Variants in FBXO25 observed in about 807,000 individuals in gnomAD.
FBXO25 encodes F-box protein 25.
FBXO25 carries 45 observed loss-of-function variants against 51.9 expected under a neutral mutation model. The observed-to-expected ratio is 0.87, with a 90% CI of 0.68 to 1.11. The LOEUF is 1.11. Ranked by LOEUF, FBXO25 falls within the 50% of genes most tolerant of loss-of-function variation. The pLI is 0.00. For missense variants in FBXO25, 507 were observed against 428.5 expected (o/e 1.18, Z -1.62); for synonymous variants, 199 against 151.0 (o/e 1.32, Z -2.33).
intron 1 of FBXO25, among the ~76,000 whole-genome samples, 158 bp from the exon 2 acceptor site, chr8:412,915 T>G (rs1796570038): frequency 6.6e-6 from 1 of 152,172 alleles, no homozygotes; most frequent in Non-Finnish European, 1.5e-5. Flanking sequence ...CACAGTACTG[T>G]GTTATTGTCA....
intron 7 of FBXO25, among the ~76,000 whole-genome samples, chr8:453,165 C>T (rs958441584): frequency 1.4e-4 from 21 of 152,186 alleles, no homozygotes; most frequent in Admixed American, 7.9e-4. Context: ...AAATAAGGTA[C>T]AAAAATGAAA....
At chr8:419,344 G>A (rs758107589) in intron 2 of FBXO25, among the ~76,000 whole-genome samples, 3 of 152,140 alleles carry the variant, frequency 2.0e-5, no homozygotes, top group Non-Finnish European at 4.4e-5. Context: ...ACTCCAGCCT[G>A]GGCAACAAGA....
chr8:458,347 T>C, intron 7 of FBXO25, 22 bp from the exon 8 acceptor site: 2 of 1,608,406 alleles, frequency 1.2e-6, no homozygotes, highest in Non-Finnish European at 1.7e-6. Flanking sequence ...CTCAGTGAGT[T>C]GCTGTTGTGT....
chr8:470,769 G>A lies in FBXO25; in HGVS notation c.*1965G>A, dbSNP rs989724102. On this transcript the variant is annotated 3_prime_UTR_variant, in exon 10 of 10. Transcript: ENST00000350302. Reference sequence around the variant, plus strand: ...AGCACAGGTATTTCTTTTTCTGTTGGTGCTGTTTTAATAAGTGAAGAATTT... The same window carrying A: ...AGCACAGGTATTTCTTTTTCTGTTGATGCTGTTTTAATAAGTGAAGAATTT... The A allele has an allele frequency of 6.6e-6, 1 of 152,170 alleles. No homozygotes were observed. The highest frequency in any genetic ancestry group is 1.5e-5 in the Non-Finnish European group (1 of 68,032). 9.4% of individuals were successfully genotyped at this position (152,170 alleles called of 1,614,324 possible).
intron 8 of FBXO25, among the ~76,000 whole-genome samples, chr8:459,335 G>A (rs1475218865): frequency 6.6e-6 from 1 of 152,224 alleles, no homozygotes; most frequent in Non-Finnish European, 1.5e-5. Context: ...CCCTTGGAAT[G>A]CAGGGCAGTC....
chr8:445,403 C>T (rs1798675964), intron 5 of FBXO25, among the ~76,000 whole-genome samples: 1 of 152,220 alleles, frequency 6.6e-6, no homozygotes, highest in African/African-American at 2.4e-5. Flanking sequence ...CCTAGTGGAG[C>T]AGCAGTTCCA....
chr8:414,564 C>G (rs1290930501), intron 2 of FBXO25, among the ~76,000 whole-genome samples: 1 of 152,102 alleles, frequency 6.6e-6, no homozygotes, highest in Non-Finnish European at 1.5e-5. Flanking sequence ...ATTCTTTTTC[C>G]CATCATCTCA....
At chr8:440,036 A>G (rs918708787) in intron 5 of FBXO25, among the ~76,000 whole-genome samples, 3 of 152,222 alleles carry the variant, frequency 2.0e-5, no homozygotes, top group African/African-American at 7.2e-5. Flanking sequence ...CAGCAGCCTC[A>G]CAGCAGCGCA....
chr8:460,837 A>G (rs999089337), intron 8 of FBXO25, among the ~76,000 whole-genome samples: 2 of 152,238 alleles, frequency 1.3e-5, no homozygotes, highest in African/African-American at 4.8e-5. Context: ...TTATTTTGCA[A>G]GTAGTCTTCT....
intron 2 of FBXO25, among the ~76,000 whole-genome samples, chr8:423,667 C>G (rs1164129520): frequency 6.6e-6 from 1 of 152,074 alleles, no homozygotes; most frequent in African/African-American, 2.4e-5. Context: ...TGTATAGGTA[C>G]CACATTTTCT....
intron 2 of FBXO25, among the ~76,000 whole-genome samples, chr8:415,745 C>G (rs1050885965): frequency 6.6e-6 from 1 of 152,160 alleles, no homozygotes; most frequent in African/African-American, 2.4e-5. Flanking sequence ...GCTGGGTCTT[C>G]TCTCCAGCGT....
chr8:436,597 TC>T (rs1287029179), intron 5 of FBXO25, among the ~76,000 whole-genome samples: 17 of 152,184 alleles, frequency 1.1e-4, no homozygotes, highest in South Asian at 4.1e-4. Flanking sequence ...AGGCTGGACT[TC>T]CCTGGTGTTT....
chr8:461,216 C>G lies in FBXO25; in HGVS notation c.844-1791C>G, dbSNP rs976635004. ...TTTGGTAACACCTTTATTAAGATAC[C>G]CTCCACTTTATGCAGCCATCACTAC... On this transcript the variant is annotated intron_variant, in intron 8 of 9. Transcript: ENST00000350302. Among the ~76,000 whole-genome samples, 11 of 152,086 alleles carry G rather than the reference C, an allele frequency of 7.2e-5. 1 individual carries two copies. The highest frequency in any genetic ancestry group is 5.9e-4 in the Admixed American group (9 of 15,270).
rs936361402 is a variant in FBXO25 at position 470,756 on chromosome 8, T to C, written c.*1952T>C. On this transcript the variant is annotated 3_prime_UTR_variant, in exon 10 of 10. Transcript: ENST00000350302. ...CCATTATCCCTGAAGCACAGGTATT[T>C]CTTTTTCTGTTGGTGCTGTTTTAAT... The C allele has an allele frequency of 1.3e-5, 2 of 152,218 alleles. No homozygotes were observed. 9.4% of individuals were successfully genotyped at this position (152,218 alleles called of 1,614,324 possible).
rs919893168 is a variant in FBXO25, at chr8:476,579, G to C, written c.*7775G>C. 12 of 152,236 alleles carry C rather than the reference G, an allele frequency of 7.9e-5. No homozygotes were observed. Among genetic ancestry groups the C allele is most frequent in the African/African-American group, 2.9e-4 (12 of 41,546 alleles). 9.4% of individuals were successfully genotyped at this position (152,236 alleles called of 1,614,324 possible). A position where few individuals can be genotyped will look rare whatever the true frequency, so the allele number is the denominator to read the frequency against. ...TTCCATTTCTTCATGATTCAATCTT[G>C]ATAGGCTGTGTGTTTCTAAGAATTT... is the stretch of plus-strand genomic sequence containing the variant. On this transcript the variant is annotated 3_prime_UTR_variant, in exon 10 of 10. Coordinates refer to ENST00000350302, the MANE Select transcript of FBXO25 (RefSeq NM_183420.2).
intron 2 of FBXO25, chr8:420,297 G>C (rs1225899634): frequency 7.2e-5 from 11 of 152,346 alleles, no homozygotes; most frequent in Admixed American, 7.2e-4. Flanking sequence ...GTGCTGGCAA[G>C]GACAGTGCCA....
At chr8:431,829 A>G (rs561463044) in intron 3 of FBXO25, among the ~76,000 whole-genome samples, 62 of 152,278 alleles carry the variant, frequency 4.1e-4, no homozygotes, top group African/African-American at 1.4e-3. Context: ...AGATGGCAGC[A>G]GGGGAAGGCT....
At chr8:458,036 G>T (rs1799568249) in intron 7 of FBXO25, among the ~76,000 whole-genome samples, 1 of 152,212 alleles carries the variant, frequency 6.6e-6, no homozygotes. Context: ...CACATCCACA[G>T]ACGCTGCCCT....
At chr8:432,644 TTAA>T (rs1238961615) in intron 3 of FBXO25, among the ~76,000 whole-genome samples, 2 of 152,208 alleles carry the variant, frequency 1.3e-5, no homozygotes, top group African/African-American at 2.4e-5. Context: ...GCTTCAGTCA[TTAA>T]TAATACTAAT....
Sources: gnomAD v4.1 joint callset for allele counts (sites outside exome capture counted in the v4.1 genomes callset) on GRCh38, gnomAD v4.1.1 for gene constraint, MANE v1.5 for transcripts, NCBI Gene and HGNC (gene_info 2026-07-23, HGNC 2026-07-21) for gene names.